Variants in DEPTOR observed in about 807,000 individuals in gnomAD.
DEPTOR encodes DEP domain containing MTOR interacting protein, also known as DEP domain-containing mTOR-interacting protein.
Under a neutral mutation model 41.6 loss-of-function variants are expected in DEPTOR, and 41 were observed. That is an observed-to-expected ratio of 0.98 (90% CI 0.77 to 1.28). DEPTOR has a LOEUF of 1.28. Ranked by LOEUF, DEPTOR falls within the 50% of genes most tolerant of loss-of-function variation. The pLI is 0.00. For synonymous variants in DEPTOR, 195 were observed against 192.3 expected (o/e 1.01, Z -0.12); for missense variants, 514 against 527.9 (o/e 0.97, Z 0.26).
chr8:119,987,305 G>A (rs1219353036), intron 4 of DEPTOR, among the ~76,000 whole-genome samples: 1 of 152,106 alleles, frequency 6.6e-6, no homozygotes, highest in African/African-American at 2.4e-5. Context: ...TAGCTCTGCT[G>A]GAGTTTGCTG....
At chr8:119,980,515 C>CTT (rs1828752225) in intron 4 of DEPTOR, among the ~76,000 whole-genome samples, 1 of 41,508 alleles carries the variant, frequency 2.4e-5, no homozygotes, top group African/African-American at 1.0e-4. Flanking sequence ...TTTCTTTTCT[C>CTT]TCTTTGTGTT....
intron 1 of DEPTOR, among the ~76,000 whole-genome samples, chr8:119,891,575 G>A (rs533213125): frequency 4.8e-4 from 73 of 152,078 alleles, no homozygotes; most frequent in East Asian, 7.8e-4. Context: ...CCGTGAGGAC[G>A]GCCTGTTCAT....
chr8:120,030,519 T>TTTTTTTTTTTTTTTTTTTC (rs1812874804), intron 8 of DEPTOR, among the ~76,000 whole-genome samples: 1 of 136,284 alleles, frequency 7.3e-6, no homozygotes. Flanking sequence ...TTTTTTTTTT[T>TTTTTTTTTTTTTTTTTTTC]TTTTTTAGCT....
intron 1 of DEPTOR, among the ~76,000 whole-genome samples, chr8:119,910,387 T>G (rs1827721279): frequency 6.6e-6 from 1 of 152,264 alleles, no homozygotes; most frequent in Non-Finnish European, 1.5e-5. Context: ...ACATTTTTGT[T>G]TTCTACATTG....
intron 4 of DEPTOR, among the ~76,000 whole-genome samples, chr8:119,998,172 T>C (rs950062543): frequency 6.6e-6 from 1 of 152,192 alleles, no homozygotes; most frequent in Non-Finnish European, 1.5e-5. Context: ...CACTGCAACC[T>C]CCACCTCCCA....
chr8:119,902,022 T>C (rs1827600240), intron 1 of DEPTOR, among the ~76,000 whole-genome samples: 1 of 152,158 alleles, frequency 6.6e-6, no homozygotes, highest in African/African-American at 2.4e-5. Context: ...TTACACAGCA[T>C]CTTATATTTT....
chr8:120,030,497 G>GTTTTTTTTTTTTTTTTTTTTTTTTTTT lies in DEPTOR; in HGVS notation c.1102-19077_1102-19051dup, dbSNP rs1171655489. On this transcript the variant is annotated intron_variant, in intron 8 of 8. Transcript: ENST00000286234. ...AATGATGTATTGTGTAGGTTCATCA[G>GTTTTTTTTTTTTTTTTTTTTTTTTTTT]TTTTTTTTTTTTTTTTTTTTTTTTT... Among the ~76,000 whole-genome samples, 44 of 46,214 alleles carry GTTTTTTTTTTTTTTTTTTTTTTTTTTT rather than the reference G, an allele frequency of 9.5e-4. 9 individuals are homozygous for GTTTTTTTTTTTTTTTTTTTTTTTTTTT. The highest frequency in any genetic ancestry group is 1.0e-3 in the Non-Finnish European group (28 of 26,952). 30.3% of individuals were successfully genotyped at this position (46,214 alleles called of 152,430 possible). A position where few individuals can be genotyped will look rare whatever the true frequency, so the allele number is the denominator to read the frequency against.
Position 119,940,013 on chromosome 8 carries a change from T to A in DEPTOR, c.425+10075T>A, listed in dbSNP as rs1828181509. On this transcript the variant is annotated intron_variant, in intron 3 of 8. Coordinates refer to ENST00000286234, the MANE Select transcript of DEPTOR (RefSeq NM_022783.4). ...CAGGCAGATCACCTGAGGTTGGGAG[T>A]TCGAGACCAGCCTGACCAACATGGA... is the stretch of plus-strand genomic sequence containing the variant. Among the ~76,000 whole-genome samples, 3 of 151,272 alleles carry A rather than the reference T, an allele frequency of 2.0e-5. 1 individual carries two copies. The highest frequency in any genetic ancestry group is 4.2e-4 in the South Asian group (2 of 4,748).
At chr8:119,965,720 A>T (rs1828550373) in intron 4 of DEPTOR, among the ~76,000 whole-genome samples, 1 of 152,214 alleles carries the variant, frequency 6.6e-6, no homozygotes, top group Non-Finnish European at 1.5e-5. Context: ...GTGATGTAAC[A>T]TCACAACTTT....
At chr8:119,932,588 T>C (rs111439123) in intron 3 of DEPTOR, among the ~76,000 whole-genome samples, 171 of 152,288 alleles carry the variant, frequency 1.1e-3, no homozygotes, top group Non-Finnish European at 2.2e-3. Context: ...CAAATATAGA[T>C]TGAGCCCTTT....
chr8:119,943,893 A>G (rs1456033073), intron 3 of DEPTOR, among the ~76,000 whole-genome samples: 2 of 152,212 alleles, frequency 1.3e-5, no homozygotes, highest in East Asian at 3.9e-4. Flanking sequence ...GCTGGAGTGC[A>G]GTGGCTCAAT....
chr8:119,882,199 A>C (rs1179557202), intron 1 of DEPTOR, among the ~76,000 whole-genome samples: 1 of 152,054 alleles, frequency 6.6e-6, no homozygotes, highest in South Asian at 2.1e-4. Flanking sequence ...CCTTGTAATT[A>C]CTTTTCTAAA....
At chr8:119,974,932 C>A (rs550561201) in intron 4 of DEPTOR, among the ~76,000 whole-genome samples, 2 of 151,892 alleles carry the variant, frequency 1.3e-5, no homozygotes, top group African/African-American at 2.4e-5. Context: ...TCAACACCTT[C>A]TTTATTTATT....
chr8:119,998,132 A>G (rs1812297412), intron 4 of DEPTOR, among the ~76,000 whole-genome samples: 1 of 152,244 alleles, frequency 6.6e-6, no homozygotes, highest in African/African-American at 2.4e-5. Context: ...TCTGTCACCC[A>G]GGCTGGAGTG....
intron 1 of DEPTOR, among the ~76,000 whole-genome samples, chr8:119,884,824 A>C (rs1218763435): frequency 6.8e-6 from 1 of 147,420 alleles, no homozygotes; most frequent in Non-Finnish European, 1.5e-5. Context: ...AGCTCACTGC[A>C]ACCTCCGCTT....
chr8:119,992,040 T>G (rs966546698), intron 4 of DEPTOR, among the ~76,000 whole-genome samples: 4 of 152,198 alleles, frequency 2.6e-5, no homozygotes, highest in Non-Finnish European at 5.9e-5. Flanking sequence ...TTACTCACCT[T>G]CTAGAAACAC....
chr8:119,941,854 G>A (rs774101379), intron 3 of DEPTOR, among the ~76,000 whole-genome samples: 8 of 152,182 alleles, frequency 5.3e-5, no homozygotes, highest in Non-Finnish European at 8.8e-5. Flanking sequence ...CCAGCTCTAG[G>A]ACCCATGATC....
At chr8:120,025,809 A>C (rs1812788228) in intron 8 of DEPTOR, among the ~76,000 whole-genome samples, 1 of 151,812 alleles carries the variant, frequency 6.6e-6, no homozygotes, top group Middle Eastern at 3.4e-3. Flanking sequence ...CCCACCAAGC[A>C]ACCAAAGGAA....
intron 4 of DEPTOR, among the ~76,000 whole-genome samples, chr8:119,980,394 C>T (rs1196401465): frequency 6.6e-6 from 1 of 151,954 alleles, no homozygotes; most frequent in Non-Finnish European, 1.5e-5. Context: ...AGCTCTAGGC[C>T]GTTTTGAAAC....
Sources: gnomAD v4.1 joint callset for allele counts (sites outside exome capture counted in the v4.1 genomes callset) on GRCh38, gnomAD v4.1.1 for gene constraint, MANE v1.5 for transcripts, NCBI Gene and HGNC (gene_info 2026-07-23, HGNC 2026-07-21) for gene names.